The following COL23A1 variants were observed in gnomAD, a reference collection of about 807,000 sequenced individuals.
COL23A1 encodes collagen type XXIII alpha 1 chain, also known as collagen alpha-1(XXIII) chain.
COL23A1 carries 97 observed loss-of-function variants against 99.3 expected under a neutral mutation model. The observed-to-expected ratio is 0.98, with a 90% CI of 0.83 to 1.16. COL23A1 has a LOEUF of 1.16. COL23A1 is among the 50% of genes most tolerant of loss of function. COL23A1 has a pLI of 0.00. For synonymous variants in COL23A1, 320 were observed against 308.2 expected, an observed-to-expected ratio of 1.04 and a Z score of -0.40; for missense variants, 762 against 757.4, an observed-to-expected ratio of 1.01 and a Z score of -0.07.
chr5:178,428,274 A>G lies in COL23A1; in HGVS notation c.362-121355T>C, dbSNP rs78970318. Among the ~76,000 whole-genome samples the G allele has an allele frequency of 3.0e-3, 454 of 152,312 alleles. 2 individuals carry two copies. The highest frequency in any genetic ancestry group is 0.01 in the African/African-American group (436 of 41,570). On this transcript the variant is annotated intron_variant, in intron 2 of 28. Coordinates refer to ENST00000390654, the MANE Select transcript of COL23A1 (RefSeq NM_173465.4). This position sits in a 1 kb window ranked among gnomAD's most constrained non-coding sequence, Gnocchi z 5.0. ...GGAGAAGGGTCTCTGGCTTCCCAAG[A>G]TGCCATCTCTCCAGCCAAGAAGGTG...
chr5:178,364,318 C>G (rs1762338087), intron 2 of COL23A1, among the ~76,000 whole-genome samples: 1 of 152,010 alleles, frequency 6.6e-6, no homozygotes, highest in South Asian at 2.1e-4. Context: ...CTTCTTCCTC[C>G]TGATATCTGC....
At position 178,544,146 on chromosome 5, in the gene COL23A1, C is replaced by A. The variant is rs1761449812; in HGVS notation, c.361+16536G>T. Among the ~76,000 whole-genome samples the A allele has an allele frequency of 6.6e-6, 1 of 152,124 alleles. No homozygotes were observed. The highest frequency in any genetic ancestry group is 6.5e-5 in the Admixed American group (1 of 15,268). On this transcript the variant is annotated intron_variant, in intron 2 of 28. Transcript: ENST00000390654. This position sits in a 1 kb window ranked among gnomAD's most constrained non-coding sequence, Gnocchi z 4.4. ...CGGGGCATGTCCCTCCTTACACTCTCCCTCCTCCTGCAAGCACTCTTCCCA... is the reference window on the plus strand; with the variant it reads ...CGGGGCATGTCCCTCCTTACACTCTACCTCCTCCTGCAAGCACTCTTCCCA...
Position 178,589,959 on chromosome 5 carries a change from G to A in COL23A1, c.239C>T (p.Pro80Leu). ...GGCCCAGGCGTCCAGGGCGCCTGGC[G>A]GCCCCGCGCGCCGCAGCAGCTCCCG... ...EERELLRRAG[P>L]PGALDAWAEP... Residue 80 changes from proline to leucine, a missense_variant, in exon 1 of 29, where the codon CCG becomes CTG. Pro to Leu is a moderately conservative substitution (Grantham distance 98). Transcript: ENST00000390654. This position sits in a 1 kb window ranked among gnomAD's most constrained non-coding sequence, Gnocchi z 5.4. 1.5e-6 allele frequency: 2 copies of A among 1,328,246 alleles called. No individual in the cohort carries two copies. Among genetic ancestry groups the A allele is most frequent in the Non-Finnish European group, 1.9e-6 (2 of 1,046,530 alleles). 82.3% of individuals were successfully genotyped at this position (1,328,246 alleles called of 1,614,324 possible).
intron 2 of COL23A1, among the ~76,000 whole-genome samples, chr5:178,413,380 C>A (rs1014086199): frequency 9.9e-5 from 15 of 152,162 alleles, no homozygotes; most frequent in African/African-American, 3.6e-4. Context: ...TACATGAAAT[C>A]CAGGTGGCGT....
chr5:178,351,729 G>C (rs908219281), intron 2 of COL23A1, among the ~76,000 whole-genome samples: 1 of 152,176 alleles, frequency 6.6e-6, no homozygotes, highest in East Asian at 1.9e-4. Flanking sequence ...GTTCCAGGCT[G>C]TTTGGGACTA....
At chr5:178,406,897 T>C (rs916105789) in intron 2 of COL23A1, among the ~76,000 whole-genome samples, 1 of 152,166 alleles carries the variant, frequency 6.6e-6, no homozygotes, top group Non-Finnish European at 1.5e-5. Flanking sequence ...GGCAAAAAGA[T>C]ACAGTAGACA....
At chr5:178,292,244 T>C (rs1233341598) in intron 3 of COL23A1, among the ~76,000 whole-genome samples, 1 of 151,782 alleles carries the variant, frequency 6.6e-6, no homozygotes, top group Non-Finnish European at 1.5e-5. Context: ...CCCCTGCACC[T>C]GCCCTCCTCT....
chr5:178,534,393 G>C (rs928277972), intron 2 of COL23A1, among the ~76,000 whole-genome samples: 4 of 152,154 alleles, frequency 2.6e-5, no homozygotes, highest in African/African-American at 9.7e-5. Context: ...GGATTTTGCT[G>C]TACGAATTCG....
At chr5:178,305,522 A>G (rs2127602602) in intron 3 of COL23A1, among the ~76,000 whole-genome samples, 1 of 152,284 alleles carries the variant, frequency 6.6e-6, no homozygotes, top group Admixed American at 6.5e-5. Flanking sequence ...GTGCATTTAC[A>G]TGCCTGGGGG....
chr5:178,259,258 G>A (rs892148962), intron 12 of COL23A1, among the ~76,000 whole-genome samples: 10 of 152,108 alleles, frequency 6.6e-5, no homozygotes, highest in Non-Finnish European at 1.3e-4. Context: ...TGAATGAGGT[G>A]AAGGAGGAGG....
intron 2 of COL23A1, among the ~76,000 whole-genome samples, chr5:178,321,411 T>A (rs1759297966): frequency 6.6e-6 from 1 of 152,112 alleles, no homozygotes. Context: ...TGTGACTGTC[T>A]TGTTTCCCTG....
intron 2 of COL23A1, among the ~76,000 whole-genome samples, chr5:178,450,952 C>T (rs985560274): frequency 6.6e-6 from 1 of 152,194 alleles, no homozygotes; most frequent in South Asian, 2.1e-4. Context: ...TTCTTTCTAT[C>T]TCTAAATTAT....
At chr5:178,492,858 G>A (rs552641143) in intron 2 of COL23A1, among the ~76,000 whole-genome samples, 3 of 152,150 alleles carry the variant, frequency 2.0e-5, no homozygotes, top group Admixed American at 1.3e-4. Flanking sequence ...ATCCCAGGAC[G>A]CTGGTTAAGT....
At chr5:178,240,274 G>A (rs1174175508) in intron 27 of COL23A1, among the ~76,000 whole-genome samples, 1 of 152,348 alleles carries the variant, frequency 6.6e-6, no homozygotes, top group East Asian at 1.9e-4. Flanking sequence ...TCAGACACTG[G>A]GCATCCCCTG....
chr5:178,375,177 G>A (rs1464756384), intron 2 of COL23A1, among the ~76,000 whole-genome samples: 1 of 152,074 alleles, frequency 6.6e-6, no homozygotes, highest in Non-Finnish European at 1.5e-5. Context: ...AAGGTCACAC[G>A]CTGCAGGAGT....
intron 2 of COL23A1, among the ~76,000 whole-genome samples, chr5:178,494,470 A>G (rs1041550231): frequency 6.6e-6 from 1 of 152,180 alleles, no homozygotes; most frequent in African/African-American, 2.4e-5. Context: ...TGAGGTCAGG[A>G]GTTCGAGACC....
rs1758620609 is a variant in COL23A1 at position 178,310,628 on chromosome 5, G to A, written c.362-3709C>T. Among the ~76,000 whole-genome samples, 1 of 152,160 alleles carries A rather than the reference G, an allele frequency of 6.6e-6. No individual in the cohort carries two copies. Among genetic ancestry groups the A allele is most frequent in the Non-Finnish European group, 1.5e-5 (1 of 68,030 alleles). Reference sequence around the variant, plus strand: ...TTGTGTCCCATATGCTGAGCTACCGGGCAGGCGGCCTTGGCGACCAGGGAG... The same window carrying A: ...TTGTGTCCCATATGCTGAGCTACCGAGCAGGCGGCCTTGGCGACCAGGGAG... On this transcript the variant is annotated intron_variant, in intron 2 of 28. Transcript: ENST00000390654. This position sits in a 1 kb window ranked among gnomAD's most constrained non-coding sequence, Gnocchi z 4.3.
At position 178,247,953 on chromosome 5, in the gene COL23A1, GGTGAGCAGGTGGCAGCTGGTCTGC is replaced by G. The variant is rs1764802618; in HGVS notation, c.1213-146_1213-123del. The G allele has an allele frequency of 5.6e-6, 5 of 891,368 alleles. No homozygotes were observed. The Admixed American group carries it at 1.3e-4, about 24-fold the overall frequency. The allele number at this position is 891,368 out of a possible 1,614,324, so 55.2% of individuals were successfully genotyped here. A position where few individuals can be genotyped will look rare whatever the true frequency, so the allele number is the denominator to read the frequency against. On this transcript the variant is annotated intron_variant, in intron 20 of 28. Transcript: ENST00000390654. ...TCCTGCCCCCCAGAGGGCAGAGTCTGGTGAGCAGGTGGCAGCTGGTCTGCGGAGCTTATAGTGAGCCGAGGTTGT... is the reference window on the plus strand; with the variant it reads ...TCCTGCCCCCCAGAGGGCAGAGTCTGGGAGCTTATAGTGAGCCGAGGTTGT...
At position 178,306,820 on chromosome 5, in the gene COL23A1, G is replaced by A. The variant is rs989652241; in HGVS notation, c.406+55C>T. The stretch of plus-strand genomic sequence containing the variant: ...GGCCAGGCCCTGCAGTCAGAGCCTG[G>A]GGCCATGGTGGCTTCCAAGCCTTGG... On this transcript the variant is annotated intron_variant, in intron 3 of 28. Transcript: ENST00000390654. This position sits in a 1 kb window ranked among gnomAD's most constrained non-coding sequence, Gnocchi z 4.1. The A allele has an allele frequency of 2.2e-6, 3 of 1,340,170 alleles. No individual in the cohort carries two copies. The highest frequency in any genetic ancestry group is 2.0e-6 in the Non-Finnish European group (2 of 1,013,624). 83.0% of individuals were successfully genotyped at this position (1,340,170 alleles called of 1,614,324 possible).
Sources: allele counts gnomAD v4.1 joint callset (sites outside exome capture counted in the v4.1 genomes callset), GRCh38; gene constraint gnomAD v4.1.1; non-coding constraint Gnocchi (gnomAD v3.1); transcripts MANE v1.5; gene names NCBI Gene and HGNC (gene_info 2026-07-23, HGNC 2026-07-21).